The following ESR1 variants were observed in gnomAD, a reference collection of about 807,000 sequenced individuals.
ESR1 encodes the protein estrogen receptor.
In ESR1, 12 loss-of-function variants were observed where a neutral mutation model predicts 52.7. That is an observed-to-expected ratio of 0.23 (90% confidence interval 0.15 to 0.37). The LOEUF (loss-of-function observed/expected upper bound fraction) is 0.37. Ranked by LOEUF, ESR1 falls within the 10% of genes least tolerant of loss-of-function variation. The pLI is 1.00. For missense variants in ESR1, 584 were observed against 779.7 expected, an observed-to-expected ratio of 0.75 and a Z score of 2.99; for synonymous variants, 305 against 316.8, an observed-to-expected ratio of 0.96 and a Z score of 0.39.
intron 5 of ESR1, among the ~76,000 whole-genome samples, chr6:152,015,480 A>G (rs777458198): frequency 3.3e-5 from 5 of 152,068 alleles, no homozygotes; most frequent in Non-Finnish European, 7.4e-5. Flanking sequence ...TACCTTCCCT[A>G]CTAGCTCATA....
At chr6:151,843,252 C>T (rs1784579990) in intron 2 of ESR1, among the ~76,000 whole-genome samples, 1 of 152,154 alleles carries the variant, frequency 6.6e-6, no homozygotes. Context: ...AGCTTGTTCT[C>T]CCCTTTCTCT....
intron 2 of ESR1, among the ~76,000 whole-genome samples, chr6:151,872,251 C>T (rs564479354): frequency 1.3e-5 from 2 of 152,290 alleles, no homozygotes; most frequent in Non-Finnish European, 2.9e-5. Flanking sequence ...AATCTCATAT[C>T]AACAGGTTTT....
At chr6:151,691,312 C>T (rs1398761912) in intron 1 of ESR1, among the ~76,000 whole-genome samples, 1 of 152,170 alleles carries the variant, frequency 6.6e-6, no homozygotes, top group African/African-American at 2.4e-5. Flanking sequence ...TACATAATGA[C>T]TCCACCACAT....
chr6:151,805,375 GC>G (rs1489621442), upstream of ESR1: 1 of 152,178 alleles, frequency 6.6e-6, no homozygotes, highest in Non-Finnish European at 1.5e-5. Context: ...TTCTATTTTA[GC>G]CGTAAGACTA....
At chr6:151,851,592 G>T (rs1786728102) in intron 2 of ESR1, among the ~76,000 whole-genome samples, 1 of 145,562 alleles carries the variant, frequency 6.9e-6, no homozygotes, top group Non-Finnish European at 1.5e-5. Context: ...CAGTGGCATT[G>T]TGTCAGCTCA....
chr6:151,859,133 C>A (rs1312791626), intron 2 of ESR1, among the ~76,000 whole-genome samples: 1 of 152,032 alleles, frequency 6.6e-6, no homozygotes, highest in Non-Finnish European at 1.5e-5. Flanking sequence ...CTTTCTTTCC[C>A]TTATTTTTTT....
At chr6:151,694,630 T>C (rs1314863699) in intron 1 of ESR1, among the ~76,000 whole-genome samples, 1 of 151,868 alleles carries the variant, frequency 6.6e-6, no homozygotes, top group Admixed American at 6.6e-5. Flanking sequence ...CCACTAAAAA[T>C]ACAAAAATTA....
rs1036682432 is a variant in ESR1, at chr6:152,100,427, C to T, written c.*1461C>T. 5.9e-5 allele frequency: 16 copies of T among 271,132 alleles called. No homozygotes were observed. Among genetic ancestry groups the T allele is most frequent in the African/African-American group, 3.0e-4 (14 of 46,472 alleles). 16.8% of individuals were successfully genotyped at this position (271,132 alleles called of 1,614,324 possible). A position where few individuals can be genotyped will look rare whatever the true frequency, so the allele number is the denominator to read the frequency against. On this transcript the variant is annotated 3_prime_UTR_variant, in exon 8 of 8. Coordinates refer to ENST00000206249, the MANE Select transcript of ESR1 (RefSeq NM_000125.4). ...TCCCCCTTCCTCCCCCGCCCCGTTC[C>T]CTACCGCCTCCACTCCTGCCAGCTC...
intron 6 of ESR1, among the ~76,000 whole-genome samples, chr6:152,119,258 G>C (rs2051247416): frequency 1.3e-5 from 2 of 152,056 alleles, no homozygotes; most frequent in African/African-American, 4.8e-5. Flanking sequence ...TAAATCTCAG[G>C]CCTCGGCATG....
rs193081395 is a variant in ESR1 at position 152,092,203 on chromosome 6, T to C, written c.1370-2182T>C. Among the ~76,000 whole-genome samples the C allele has an allele frequency of 4.0e-4, 61 of 152,356 alleles. 1 individual carries two copies. The East Asian group carries it at 0.012, about 29-fold the overall frequency. On this transcript the variant is annotated intron_variant, in intron 6 of 7. Coordinates refer to ENST00000206249, the MANE Select transcript of ESR1 (RefSeq NM_000125.4). Reference sequence around the variant, plus strand: ...CAGCCCACATGGAACATAAGTGAAGTAATTCAGCAGTTTCCTTCTTAATCT... The same window carrying C: ...CAGCCCACATGGAACATAAGTGAAGCAATTCAGCAGTTTCCTTCTTAATCT...
chr6:151,784,876 A>T (rs1027732117), intron 2 of ESR1, among the ~76,000 whole-genome samples: 9 of 152,192 alleles, frequency 5.9e-5, no homozygotes, highest in African/African-American at 2.2e-4. Flanking sequence ...GGCAAGTCTG[A>T]AATTTGTAGA....
At chr6:151,865,255 G>A (rs796569539) in intron 2 of ESR1, among the ~76,000 whole-genome samples, 2 of 151,934 alleles carry the variant, frequency 1.3e-5, no homozygotes, top group Admixed American at 6.6e-5. Context: ...TTTTCTCATC[G>A]AATAATGTGT....
chr6:152,001,336 G>A (rs1348544067), intron 4 of ESR1, among the ~76,000 whole-genome samples: 1 of 151,946 alleles, frequency 6.6e-6, no homozygotes, highest in Non-Finnish European at 1.5e-5. Flanking sequence ...AAGGAGAAAT[G>A]GGCACATGCA....
At chr6:152,115,722 G>A (rs1645701951) in intron 6 of ESR1, among the ~76,000 whole-genome samples, 1 of 152,082 alleles carries the variant, frequency 6.6e-6, no homozygotes, top group South Asian at 2.1e-4. Context: ...AAAGAAAAAT[G>A]GAGCACAAAA....
chr6:152,089,063 C>T (rs1284905847), intron 6 of ESR1, among the ~76,000 whole-genome samples: 3 of 152,072 alleles, frequency 2.0e-5, no homozygotes, highest in Non-Finnish European at 4.4e-5. Flanking sequence ...AGATGATATC[C>T]TTTGGATGAG....
chr6:151,668,687 G>A (rs929965007), intron 1 of ESR1, among the ~76,000 whole-genome samples: 2 of 152,034 alleles, frequency 1.3e-5, no homozygotes, highest in East Asian at 1.9e-4. Context: ...TAATACTATC[G>A]CACTGGCAAC....
At chr6:151,899,156 C>T (rs1438320215) in intron 3 of ESR1, among the ~76,000 whole-genome samples, 7 of 114,858 alleles carry the variant, frequency 6.1e-5, no homozygotes, top group African/African-American at 1.7e-4. Flanking sequence ...CCGGACGGGG[C>T]GGCTGGCCGG....
At chr6:151,935,442 C>G (rs959411569) in intron 3 of ESR1, among the ~76,000 whole-genome samples, 6 of 152,198 alleles carry the variant, frequency 3.9e-5, no homozygotes, top group Non-Finnish European at 7.3e-5. Flanking sequence ...TGCCTTCACT[C>G]CTGGACTGCA....
chr6:151,843,338 T>C (rs988293397), intron 2 of ESR1, among the ~76,000 whole-genome samples: 1 of 152,184 alleles, frequency 6.6e-6, no homozygotes, highest in African/African-American at 2.4e-5. Context: ...TGTCTTGTAA[T>C]GGGGAGATAT....
Sources: allele counts gnomAD v4.1 joint callset (sites outside exome capture counted in the v4.1 genomes callset), GRCh38; gene constraint gnomAD v4.1.1; transcripts MANE v1.5; gene names NCBI Gene and HGNC (gene_info 2026-07-23, HGNC 2026-07-21).